KDM4C: variants seen among roughly 807,000 people sequenced by gnomAD.
KDM4C encodes the protein lysine demethylase 4C, also known as lysine-specific demethylase 4C.
KDM4C carries 81 observed loss-of-function variants against 129.3 expected under a neutral mutation model. The ratio of observed to expected loss-of-function variants is 0.63; its 90% confidence interval spans 0.52 to 0.75. The LOEUF (loss-of-function observed/expected upper bound fraction) is 0.75. KDM4C is among the 30% of genes least tolerant of loss of function. The pLI is 0.00. For synonymous variants in KDM4C, 573 were observed against 456.1 expected (o/e 1.26, Z -3.26); for missense variants, 1,457 against 1,304.0 (o/e 1.12, Z -1.81).
intron 1 of KDM4C, among the ~76,000 whole-genome samples, chr9:6,742,964 T>C (rs1817750786): frequency 6.6e-6 from 1 of 152,066 alleles, no homozygotes; most frequent in Non-Finnish European, 1.5e-5. Flanking sequence ...TGAGCCAAGA[T>C]TGTGCCATTG....
At chr9:6,804,088 G>A (rs1343191283) in intron 2 of KDM4C, among the ~76,000 whole-genome samples, 1 of 152,214 alleles carries the variant, frequency 6.6e-6, no homozygotes, top group East Asian at 1.9e-4. Flanking sequence ...CTCCCAAAGT[G>A]CTAAGGTTAC....
chr9:6,806,946 G>C (rs4486258), intron 3 of KDM4C, among the ~76,000 whole-genome samples: 1 of 148,718 alleles, frequency 6.7e-6, no homozygotes, highest in Non-Finnish European at 1.5e-5. Flanking sequence ...CCTCTCATGC[G>C]GAGCGGAAGC....
chr9:6,778,408 A>G (rs971100150), intron 1 of KDM4C, among the ~76,000 whole-genome samples: 1 of 151,668 alleles, frequency 6.6e-6, no homozygotes, highest in Non-Finnish European at 1.5e-5. Flanking sequence ...AGGCCTTTGT[A>G]GCTAAATAAC....
chr9:6,732,243 T>C (rs1817367453), intron 1 of KDM4C, among the ~76,000 whole-genome samples: 3 of 151,266 alleles, frequency 2.0e-5, no homozygotes, highest in Admixed American at 2.0e-4. Context: ...TGGGCGCCTG[T>C]AGTCCCAGCT....
At chr9:6,912,779 G>T (rs1819562580) in intron 8 of KDM4C, among the ~76,000 whole-genome samples, 1 of 152,126 alleles carries the variant, frequency 6.6e-6, no homozygotes, top group Admixed American at 6.5e-5. Flanking sequence ...TGAACTGATG[G>T]TTGCTCCCGG....
intron 1 of KDM4C, among the ~76,000 whole-genome samples, chr9:6,734,163 C>A (rs997429238): frequency 3.9e-5 from 6 of 151,964 alleles, no homozygotes; most frequent in Non-Finnish European, 8.8e-5. Context: ...CACAACTTAA[C>A]AAGGCACCTT....
chr9:7,145,882 A>G (rs893485522), intron 19 of KDM4C, among the ~76,000 whole-genome samples: 3 of 152,200 alleles, frequency 2.0e-5, no homozygotes, highest in African/African-American at 7.2e-5. Context: ...TGGTTCCTGA[A>G]TGCTCTTCCT....
rs181342896 is a variant in KDM4C, at chr9:7,076,416, T to C, written c.2424+27216T>C. 9.6e-4 allele frequency: 1,459 copies of C among 1,526,740 alleles called. 12 individuals carry two copies. The African/African-American group carries it at 0.016, about 17-fold the overall frequency. 94.6% of individuals were successfully genotyped at this position (1,526,740 alleles called of 1,614,324 possible). A position where few individuals can be genotyped will look rare whatever the true frequency, so the allele number is the denominator to read the frequency against. On this transcript the variant is annotated intron_variant, in intron 17 of 21. Transcript: ENST00000381309. The stretch of plus-strand genomic sequence containing the variant: ...ATCTGGCATATTGGACTTTTAAAAT[T>C]TGCATTGTGTTTTTCAGGGAAGGCT...
chr9:6,853,050 A>G (rs12349015), intron 5 of KDM4C, among the ~76,000 whole-genome samples: 19,807 of 150,004 alleles, frequency 0.13, 1,724 homozygotes, highest in African/African-American at 0.24. Flanking sequence ...TTTTTTTTTC[A>G]CCTTTGAATC....
At chr9:6,781,690 CAAG>C in intron 1 of KDM4C, among the ~76,000 whole-genome samples, 1 of 152,064 alleles carries the variant, frequency 6.6e-6, no homozygotes, top group Non-Finnish European at 1.5e-5. Flanking sequence ...AGAGCTGAAA[CAAG>C]AAAGCCTTTG....
upstream of KDM4C, among the ~76,000 whole-genome samples, chr9:6,755,590 G>A (rs188712995): frequency 4.7e-4 from 72 of 152,260 alleles, no homozygotes; most frequent in African/African-American, 1.7e-3. Context: ...AACAAGTATT[G>A]TCTCTGAGGT....
intron 5 of KDM4C, among the ~76,000 whole-genome samples, chr9:6,875,899 C>G (rs1282428348): frequency 6.6e-6 from 1 of 152,164 alleles, no homozygotes; most frequent in Non-Finnish European, 1.5e-5. Flanking sequence ...AGCAGCACAT[C>G]TATTATAAAG....
chr9:7,038,416 C>G (rs1828012158), intron 15 of KDM4C, among the ~76,000 whole-genome samples: 1 of 152,020 alleles, frequency 6.6e-6, no homozygotes, highest in Non-Finnish European at 1.5e-5. Context: ...AATGATATCA[C>G]AATTTATTTA....
chr9:6,767,349 G>A (rs1262426740), intron 1 of KDM4C, among the ~76,000 whole-genome samples: 2 of 151,730 alleles, frequency 1.3e-5, no homozygotes, highest in Non-Finnish European at 2.9e-5. Flanking sequence ...CACCACGTTC[G>A]GCAGGATGGT....
intron 19 of KDM4C, among the ~76,000 whole-genome samples, chr9:7,144,985 G>A (rs907271979): frequency 1.3e-5 from 2 of 152,222 alleles, no homozygotes; most frequent in African/African-American, 4.8e-5. Flanking sequence ...CACACCTGTT[G>A]CCTTCATCCT....
intron 15 of KDM4C, among the ~76,000 whole-genome samples, chr9:7,028,134 C>T (rs895712553): frequency 6.6e-6 from 1 of 152,054 alleles, no homozygotes; most frequent in Admixed American, 6.5e-5. Context: ...TTACTTTCCC[C>T]CCTACTTTTC....
chr9:7,131,592 A>G (rs972396416), intron 19 of KDM4C, among the ~76,000 whole-genome samples: 2 of 152,204 alleles, frequency 1.3e-5, no homozygotes, highest in African/African-American at 4.8e-5. Context: ...TGCTGGGATT[A>G]CAGGCATGAG....
At position 6,788,755 on chromosome 9, in the gene KDM4C, T is replaced by G. The variant is rs148103958; in HGVS notation, c.-17-4217T>G. 1.9e-3 allele frequency among the ~76,000 whole-genome samples: 290 copies of G among 152,254 alleles called. 3 individuals are homozygous for G. The highest frequency in any genetic ancestry group is 6.5e-3 in the African/African-American group (269 of 41,544). On this transcript the variant is annotated intron_variant, in intron 1 of 21. Coordinates refer to ENST00000381309, the MANE Select transcript of KDM4C (RefSeq NM_015061.6). ...AGTGGGTGGTTGGAAGTGCCAGCAG[T>G]TGGGACAGGCAACTGCTATAATGAA... is the stretch of plus-strand genomic sequence containing the variant.
At chr9:7,016,755 A>T (rs1823773035) in intron 15 of KDM4C, among the ~76,000 whole-genome samples, 1 of 152,064 alleles carries the variant, frequency 6.6e-6, no homozygotes, top group African/African-American at 2.4e-5. Flanking sequence ...GCAGTCCTCT[A>T]CTTAGGAAGC....
Sources: allele counts gnomAD v4.1 joint callset (sites outside exome capture counted in the v4.1 genomes callset), GRCh38; gene constraint gnomAD v4.1.1; transcripts MANE v1.5; gene names NCBI Gene and HGNC (gene_info 2026-07-23, HGNC 2026-07-21).